Variants in TMEM232 observed in about 807,000 individuals in gnomAD.
TMEM232 encodes the protein transmembrane protein 232.
In TMEM232, 80 loss-of-function variants were observed where a neutral mutation model predicts 78.8. That is an observed-to-expected ratio of 1.01 (90% confidence interval 0.85 to 1.22). TMEM232 has a LOEUF of 1.22. Ranked by LOEUF, TMEM232 falls within the 50% of genes most tolerant of loss-of-function variation. The pLI, the probability that TMEM232 is intolerant of heterozygous loss-of-function variation, is 0.00. For missense variants in TMEM232, 881 were observed against 742.2 expected (o/e 1.19, Z -2.17); for synonymous variants, 297 against 254.3 (o/e 1.17, Z -1.60).
At chr5:110,482,021 T>G (rs1045849395) in intron 12 of TMEM232, among the ~76,000 whole-genome samples, 3 of 151,964 alleles carry the variant, frequency 2.0e-5, no homozygotes, top group Non-Finnish European at 4.4e-5. Context: ...ACTAAAAATT[T>G]TTTTAATTAA....
rs1016699280 is a variant in TMEM232 at position 110,627,970 on chromosome 5, T to C, written c.502-90A>G. 1.2e-5 allele frequency: 11 copies of C among 920,242 alleles called. No individual in the cohort carries two copies. In the African/African-American group the frequency reaches 1.2e-4, roughly 10 times the overall value. 57.0% of individuals were successfully genotyped at this position (920,242 alleles called of 1,614,324 possible). ...AAAAATCAACCATTATATTATTACA[T>C]TTTCTTTTGAGAAAACAATTTTAAA... is the stretch of plus-strand genomic sequence containing the variant. On this transcript the variant is annotated intron_variant, in intron 5 of 13. Transcript: ENST00000455884.
intron 1 of TMEM232, among the ~76,000 whole-genome samples, chr5:110,724,520 C>T (rs760418471): frequency 6.6e-6 from 1 of 152,166 alleles, no homozygotes. Context: ...CTCAAACTGA[C>T]AAGCTAGAAA....
At chr5:110,416,681 C>T (rs926223585), downstream of TMEM232, among the ~76,000 whole-genome samples, 5 of 152,152 alleles carry the variant, frequency 3.3e-5, no homozygotes, top group African/African-American at 1.2e-4. Context: ...TAGACAGTTA[C>T]AGAGAAGGTT....
chr5:110,641,762 G>A (rs1786757880), intron 3 of TMEM232, among the ~76,000 whole-genome samples: 1 of 152,206 alleles, frequency 6.6e-6, no homozygotes, highest in South Asian at 2.1e-4. Flanking sequence ...TGAATCCAAT[G>A]TAAAAAAGGC....
chr5:110,474,693 C>A (rs1439396861), intron 12 of TMEM232, among the ~76,000 whole-genome samples: 1 of 151,870 alleles, frequency 6.6e-6, no homozygotes, highest in Non-Finnish European at 1.5e-5. Flanking sequence ...ACTTAATATG[C>A]ATATTTAATA....
chr5:110,403,305 C>T (rs112986486), intron 2 of TMEM232, among the ~76,000 whole-genome samples: 2 of 152,024 alleles, frequency 1.3e-5, no homozygotes, highest in East Asian at 1.9e-4. Flanking sequence ...TTGAGCAATA[C>T]CCCCAATGTG....
At chr5:110,612,795 G>C in intron 8 of TMEM232, among the ~76,000 whole-genome samples, 1 of 152,080 alleles carries the variant, frequency 6.6e-6, no homozygotes, top group East Asian at 1.9e-4. Flanking sequence ...GCCTTTCTCA[G>C]CAGTCTTCAT....
intron 12 of TMEM232, among the ~76,000 whole-genome samples, chr5:110,483,613 G>C (rs982567305): frequency 6.6e-5 from 10 of 152,006 alleles, no homozygotes; most frequent in East Asian, 3.9e-4. Context: ...GTGGGGGAAG[G>C]GGGGAGGGAT....
At chr5:110,502,717 C>T (rs1444644549) in intron 12 of TMEM232, among the ~76,000 whole-genome samples, 2 of 152,160 alleles carry the variant, frequency 1.3e-5, no homozygotes, top group East Asian at 1.9e-4. Flanking sequence ...ACATTGCCCA[C>T]GTTTTTAGAA....
intron 1 of TMEM232, among the ~76,000 whole-genome samples, chr5:110,694,716 A>G (rs1003059411): frequency 6.6e-6 from 1 of 151,944 alleles, no homozygotes; most frequent in Non-Finnish European, 1.5e-5. Flanking sequence ...GAAGGCCATT[A>G]CATAATGGTA....
chr5:110,550,729 C>T (rs912458093), intron 11 of TMEM232, among the ~76,000 whole-genome samples: 7 of 151,604 alleles, frequency 4.6e-5, no homozygotes, highest in African/African-American at 1.7e-4. Flanking sequence ...CATGAATTAC[C>T]TATTATATAT....
chr5:110,663,165 G>A (rs77950263), intron 2 of TMEM232, among the ~76,000 whole-genome samples: 3,668 of 152,040 alleles, frequency 0.024, 47 homozygotes, highest in African/African-American at 0.032. Flanking sequence ...TGGATAATTT[G>A]CAGTAAGTTA....
intron 1 of TMEM232, among the ~76,000 whole-genome samples, chr5:110,722,295 T>C (rs1400934359): frequency 2.0e-5 from 3 of 152,150 alleles, no homozygotes; most frequent in Admixed American, 2.0e-4. Flanking sequence ...ACAGTTCCTC[T>C]GGGTTAGGAA....
At chr5:110,695,053 T>C (rs1794606646) in intron 1 of TMEM232, among the ~76,000 whole-genome samples, 2 of 152,180 alleles carry the variant, frequency 1.3e-5, no homozygotes, top group Admixed American at 6.5e-5. Context: ...TAGTTGGAAG[T>C]AAAGCACTCC....
chr5:110,414,722 T>C (rs922099704), downstream of TMEM232, among the ~76,000 whole-genome samples: 3 of 152,160 alleles, frequency 2.0e-5, no homozygotes, highest in African/African-American at 7.2e-5. Context: ...TTATATTCCT[T>C]TTCCCTCCAT....
intron 12 of TMEM232, among the ~76,000 whole-genome samples, chr5:110,430,884 G>T (rs1757762382): frequency 6.6e-6 from 1 of 151,698 alleles, no homozygotes; most frequent in Non-Finnish European, 1.5e-5. Context: ...TAAGCAACAG[G>T]ATTTGAAAGG....
intron 7 of TMEM232, among the ~76,000 whole-genome samples, chr5:110,619,196 T>C (rs1170135716): frequency 1.3e-5 from 2 of 152,196 alleles, no homozygotes; most frequent in African/African-American, 4.8e-5. Context: ...ATACACATCC[T>C]GTGATAGGTA....
chr5:110,518,960 G>A (rs1769090520), intron 12 of TMEM232, among the ~76,000 whole-genome samples: 1 of 150,064 alleles, frequency 6.7e-6, no homozygotes. Flanking sequence ...ACATAAAATA[G>A]ATTTAGCATC....
intron 3 of TMEM232, among the ~76,000 whole-genome samples, chr5:110,391,885 T>C (rs1395115417): frequency 2.0e-5 from 3 of 152,170 alleles, no homozygotes; most frequent in Non-Finnish European, 2.9e-5. Flanking sequence ...ATAAATCAAA[T>C]AGCGAGGTGC....
Sources: allele counts gnomAD v4.1 joint callset (sites outside exome capture counted in the v4.1 genomes callset), GRCh38; gene constraint gnomAD v4.1.1; transcripts MANE v1.5; gene names NCBI Gene and HGNC (gene_info 2026-07-23, HGNC 2026-07-21).